APLF: variants seen among roughly 807,000 people sequenced by gnomAD.
APLF encodes the protein aprataxin and PNK-like factor.
A neutral mutation model predicts 55.6 loss-of-function variants in APLF; 61 were observed. That is an observed-to-expected ratio of 1.10 (90% CI 0.89 to 1.36). The LOEUF is 1.36. Ranked by LOEUF, APLF falls within the 40% of genes most tolerant of loss-of-function variation. APLF has a pLI of 0.00. For missense variants in APLF, 611 were observed against 602.5 expected (o/e 1.01, Z -0.15); for synonymous variants, 207 against 214.8 (o/e 0.96, Z 0.32).
At chr2:68,563,635 A>G (rs148050113) in intron 8 of APLF, among the ~76,000 whole-genome samples, 137 of 152,222 alleles carry the variant, frequency 9.0e-4, no homozygotes, top group African/African-American at 3.2e-3. Context: ...TGCTTAAACC[A>G]TACTTGAGTC....
chr2:68,556,160 G>C (rs1262131740), intron 8 of APLF, among the ~76,000 whole-genome samples: 1 of 152,134 alleles, frequency 6.6e-6, no homozygotes, highest in Non-Finnish European at 1.5e-5. Flanking sequence ...AGGATGCAAA[G>C]GCATAAGAAA....
chr2:68,572,828 C>T (rs1231124201), intron 9 of APLF, among the ~76,000 whole-genome samples: 3 of 151,408 alleles, frequency 2.0e-5, no homozygotes, highest in Admixed American at 6.6e-5. Context: ...AACAGAGCAA[C>T]ACTCTGTCTC....
chr2:68,507,049 T>C (rs1676891433), intron 3 of APLF, among the ~76,000 whole-genome samples: 1 of 151,942 alleles, frequency 6.6e-6, no homozygotes, highest in Non-Finnish European at 1.5e-5. Context: ...GGAGCAAGAT[T>C]GAGGCTGGGC....
chr2:68,518,299 ATATTATATATTATTT>A (rs1271609745), intron 5 of APLF, among the ~76,000 whole-genome samples: 5 of 114,856 alleles, frequency 4.4e-5, no homozygotes, highest in Non-Finnish European at 6.5e-5. Context: ...ATATATTAAT[ATATTATATATTATTT>A]AATAATATAT....
intron 7 of APLF, among the ~76,000 whole-genome samples, chr2:68,539,800 T>C (rs549351966): frequency 1.8e-4 from 27 of 152,276 alleles, no homozygotes; most frequent in South Asian, 1.0e-3. Flanking sequence ...TCATACTTAA[T>C]GGTGAAAGAT....
chr2:68,500,816 C>G (rs1184248527), intron 2 of APLF, among the ~76,000 whole-genome samples: 4 of 152,120 alleles, frequency 2.6e-5, no homozygotes, highest in African/African-American at 4.8e-5. Flanking sequence ...GGGCACGATT[C>G]CCAAGTTCAG....
At chr2:68,551,038 T>G (rs911849239) in intron 8 of APLF, among the ~76,000 whole-genome samples, 1 of 152,122 alleles carries the variant, frequency 6.6e-6, no homozygotes, top group Non-Finnish European at 1.5e-5. Flanking sequence ...ATAGTGAAGA[T>G]CTACTAAAAA....
At chr2:68,508,840 C>T (rs1676955516) in intron 3 of APLF, among the ~76,000 whole-genome samples, 1 of 152,050 alleles carries the variant, frequency 6.6e-6, no homozygotes, top group South Asian at 2.1e-4. Flanking sequence ...CCTACAGTAA[C>T]CAAAACAGCA....
intron 8 of APLF, 67 bp downstream of exon 8, chr2:68,545,379 C>T: frequency 1.3e-6 from 2 of 1,504,524 alleles, no homozygotes; most frequent in Non-Finnish European, 1.8e-6. Flanking sequence ...CTAGGAGAAA[C>T]TGACAGCAGC....
intron 5 of APLF, among the ~76,000 whole-genome samples, chr2:68,525,212 C>G (rs1010266460): frequency 6.6e-6 from 1 of 151,938 alleles, no homozygotes; most frequent in Non-Finnish European, 1.5e-5. Flanking sequence ...AGGAGAACTG[C>G]TTGAACCAGG....
At chr2:68,469,886 G>A (rs913710639) in intron 1 of APLF, among the ~76,000 whole-genome samples, 2 of 152,174 alleles carry the variant, frequency 1.3e-5, no homozygotes, top group African/African-American at 4.8e-5. Context: ...TCTGAGACAA[G>A]CTTCACAAAC....
intron 6 of APLF, among the ~76,000 whole-genome samples, chr2:68,530,709 A>G (rs1400358792): frequency 6.6e-6 from 1 of 152,216 alleles, no homozygotes; most frequent in African/African-American, 2.4e-5. Context: ...CACCACACAC[A>G]TGATGCCCTA....
At chr2:68,507,990 A>G (rs1676922316) in intron 3 of APLF, among the ~76,000 whole-genome samples, 1 of 151,804 alleles carries the variant, frequency 6.6e-6, no homozygotes, top group Non-Finnish European at 1.5e-5. Flanking sequence ...AAATGTCATG[A>G]TAGTATGATA....
At chr2:68,567,113 A>C (rs1426510655) in intron 8 of APLF, among the ~76,000 whole-genome samples, 2 of 152,074 alleles carry the variant, frequency 1.3e-5, no homozygotes, top group African/African-American at 4.8e-5. Context: ...TAAGTTCTTG[A>C]GGTAAGAACT....
chr2:68,528,240 C>CCTG, intron 6 of APLF: 3 of 1,228,850 alleles, frequency 2.4e-6, no homozygotes, highest in Non-Finnish European at 2.3e-6. Flanking sequence ...CCATGCCTGC[C>CCTG]CTGCTGTCTC....
At position 68,467,612 on chromosome 2, in the gene APLF, C is replaced by A; in HGVS notation, c.-120C>A. 1.2e-6 allele frequency: 1 copy of A among 834,036 alleles called. No individual in the cohort carries two copies. Among genetic ancestry groups the A allele is most frequent in the Non-Finnish European group, 1.6e-6 (1 of 623,380 alleles). 51.7% of individuals were successfully genotyped at this position (834,036 alleles called of 1,614,324 possible). A position where few individuals can be genotyped will look rare whatever the true frequency, so the allele number is the denominator to read the frequency against. ...GAGGACCGGCGCAGCCGCGGGGAGC[C>A]TTTGAGGCCCTCCCTCGGTGTTTTT... On this transcript the variant is annotated 5_prime_UTR_variant, in exon 1 of 10. Transcript: ENST00000303795.
chr2:68,514,077 GC>G (rs1669497990), intron 5 of APLF, among the ~76,000 whole-genome samples: 1 of 151,572 alleles, frequency 6.6e-6, no homozygotes, highest in South Asian at 2.1e-4. Context: ...TCTCTAATTT[GC>G]TGTTAAGTCT....
chr2:68,541,811 T>A (rs1670559458), intron 7 of APLF, among the ~76,000 whole-genome samples: 1 of 152,128 alleles, frequency 6.6e-6, no homozygotes, highest in Non-Finnish European at 1.5e-5. Flanking sequence ...TATTCTAAAA[T>A]CATGTGGGAT....
In APLF at chr2:68,467,666, G is replaced by T; in HGVS notation, c.-66G>T. 8.4e-7 allele frequency: 1 copy of T among 1,196,596 alleles called. No homozygotes were observed. Among genetic ancestry groups the T allele is most frequent in the Non-Finnish European group, 1.0e-6 (1 of 953,650 alleles). 74.1% of individuals were successfully genotyped at this position (1,196,596 alleles called of 1,614,324 possible). Reference sequence around the variant, plus strand: ...CAGGGCGTGGGCTTGCCCCGCGCGTGTCTGTGGAGGGCGGAAACAGCGGAG... The same window carrying T: ...CAGGGCGTGGGCTTGCCCCGCGCGTTTCTGTGGAGGGCGGAAACAGCGGAG... On this transcript the variant is annotated 5_prime_UTR_variant, in exon 1 of 10. Transcript: ENST00000303795.
Sources: gnomAD v4.1 joint callset for allele counts (sites outside exome capture counted in the v4.1 genomes callset) on GRCh38, gnomAD v4.1.1 for gene constraint, MANE v1.5 for transcripts, NCBI Gene and HGNC (gene_info 2026-07-23, HGNC 2026-07-21) for gene names.